Variants in ZNF423 observed in about 807,000 individuals in gnomAD.
ZNF423 encodes zinc finger protein 423, also known as Ebf-associated zinc finger protein.
In ZNF423, 12 loss-of-function variants were observed where a neutral mutation model predicts 95.8. That is an observed-to-expected ratio of 0.13 (90% CI 0.08 to 0.20). The LOEUF is 0.20. Ranked by LOEUF, ZNF423 falls within the 10% of genes least tolerant of loss-of-function variation. The pLI is 1.00. For synonymous variants in ZNF423, 749 were observed against 711.9 expected, an observed-to-expected ratio of 1.05 and a Z score of -0.83; for missense variants, 1,316 against 1,737.1, an observed-to-expected ratio of 0.76 and a Z score of 4.31.
intron 3 of ZNF423, among the ~76,000 whole-genome samples, chr16:49,706,628 C>A (rs1381348605): frequency 6.6e-6 from 1 of 152,236 alleles, no homozygotes; most frequent in Non-Finnish European, 1.5e-5. Flanking sequence ...AAACAAATGA[C>A]CCTGCCACAT....
rs148156936 is a variant in ZNF423, at chr16:49,697,017, T to C, written c.301+33754A>G. Among the ~76,000 whole-genome samples, 126 of 152,226 alleles carry C rather than the reference T, an allele frequency of 8.3e-4. 2 individuals carry two copies. Among genetic ancestry groups the C allele is most frequent in the African/African-American group, 2.9e-3 (122 of 41,546 alleles). On this transcript the variant is annotated intron_variant, in intron 3 of 7. Transcript: ENST00000563137. Reference sequence around the variant, plus strand: ...AAGCTCACAGGGAATCGCCGGAGGGTTGACGCAGGAATGCAGTCCATCGTG... The same window carrying C: ...AAGCTCACAGGGAATCGCCGGAGGGCTGACGCAGGAATGCAGTCCATCGTG...
chr16:49,698,251 T>TTG (rs1298102975), intron 3 of ZNF423, among the ~76,000 whole-genome samples: 1 of 152,074 alleles, frequency 6.6e-6, no homozygotes, highest in African/African-American at 2.4e-5. Context: ...TGCATCTCCT[T>TTG]TGCTCCCGCC....
intron 3 of ZNF423, among the ~76,000 whole-genome samples, chr16:49,649,879 C>T (rs1045311134): frequency 1.3e-5 from 2 of 152,230 alleles, no homozygotes; most frequent in African/African-American, 4.8e-5. Context: ...TGACATGGCT[C>T]TTCCTGAAAT....
chr16:49,626,311 A>C, intron 4 of ZNF423, 57 bp from the exon 5 acceptor site: 2 of 1,560,590 alleles, frequency 1.3e-6, no homozygotes, highest in Non-Finnish European at 1.8e-6. Context: ...AAAAAGGAGA[A>C]AGCAAAAGTT....
chr16:49,721,249 T>C (rs1005352657), intron 3 of ZNF423, among the ~76,000 whole-genome samples: 1 of 152,310 alleles, frequency 6.6e-6, no homozygotes, highest in Admixed American at 6.5e-5. Context: ...GGACCAACTA[T>C]GTGCTGGCAG....
chr16:49,797,148 C>T (rs1377348326), intron 1 of ZNF423, among the ~76,000 whole-genome samples: 2 of 152,094 alleles, frequency 1.3e-5, no homozygotes, highest in East Asian at 1.9e-4. Context: ...AAGGGGACAG[C>T]GAGAGACCCA....
chr16:49,611,982 G>T (rs1157393967), intron 5 of ZNF423, among the ~76,000 whole-genome samples: 1 of 152,010 alleles, frequency 6.6e-6, no homozygotes, highest in Admixed American at 6.6e-5. Flanking sequence ...TTAAGGAAAT[G>T]GAATTCATAA....
intron 4 of ZNF423, among the ~76,000 whole-genome samples, chr16:49,634,456 C>A (rs1567516691): frequency 6.6e-6 from 1 of 152,094 alleles, no homozygotes; most frequent in Non-Finnish European, 1.5e-5. Flanking sequence ...AAGTCAAGGT[C>A]AGCAGGCACT....
At chr16:49,819,432 A>C (rs1400134185) in intron 1 of ZNF423, among the ~76,000 whole-genome samples, 1 of 151,950 alleles carries the variant, frequency 6.6e-6, no homozygotes, top group Non-Finnish European at 1.5e-5. Flanking sequence ...TACTGTTAGT[A>C]ATCATAGGCT....
chr16:49,756,538 C>T (rs2033730450), intron 2 of ZNF423, among the ~76,000 whole-genome samples: 1 of 152,216 alleles, frequency 6.6e-6, no homozygotes, highest in South Asian at 2.1e-4. Flanking sequence ...CCCGGACTGC[C>T]ACAGATGACT....
intron 3 of ZNF423, among the ~76,000 whole-genome samples, chr16:49,666,210 G>C (rs1017943587): frequency 1.3e-5 from 2 of 152,180 alleles, no homozygotes; most frequent in Non-Finnish European, 2.9e-5. Context: ...ATCTAAACAT[G>C]TGTGTAACTC....
chr16:49,503,298 G>A (rs1967503438), intron 7 of ZNF423, among the ~76,000 whole-genome samples: 1 of 152,138 alleles, frequency 6.6e-6, no homozygotes, highest in Non-Finnish European at 1.5e-5. Flanking sequence ...GCACAGTCCG[G>A]GTTGTCTCCT....
chr16:49,582,454 A>G (rs1970703407), intron 5 of ZNF423, among the ~76,000 whole-genome samples: 1 of 152,272 alleles, frequency 6.6e-6, no homozygotes, highest in African/African-American at 2.4e-5. Flanking sequence ...CGGTGCAGCC[A>G]TAAAATAAAA....
intron 2 of ZNF423, among the ~76,000 whole-genome samples, chr16:49,766,128 G>A (rs1412881123): frequency 7.2e-5 from 11 of 152,126 alleles, no homozygotes; most frequent in Admixed American, 6.5e-4. Context: ...TTTAATGGAG[G>A]AAAACAGTAG....
intron 1 of ZNF423, among the ~76,000 whole-genome samples, chr16:49,798,421 T>C (rs2034531771): frequency 6.6e-6 from 1 of 151,966 alleles, no homozygotes; most frequent in Non-Finnish European, 1.5e-5. Flanking sequence ...GGCACAAGAA[T>C]TGCCTGAACC....
intron 5 of ZNF423, among the ~76,000 whole-genome samples, chr16:49,601,345 G>A (rs1971366972): frequency 6.6e-6 from 1 of 152,204 alleles, no homozygotes; most frequent in South Asian, 2.1e-4. Flanking sequence ...GAGAGAATAG[G>A]GGTATCCCTT....
At chr16:49,543,414 C>T (rs1198275534) in intron 5 of ZNF423, among the ~76,000 whole-genome samples, 1 of 152,160 alleles carries the variant, frequency 6.6e-6, no homozygotes, top group Non-Finnish European at 1.5e-5. Flanking sequence ...CAGCCCCCAC[C>T]CATCGACTGG....
chr16:49,692,337 C>T lies in ZNF423; in HGVS notation c.301+38434G>A, dbSNP rs576026061. Among the ~76,000 whole-genome samples, 12 of 152,260 alleles carry T rather than the reference C, an allele frequency of 7.9e-5. No homozygotes were observed. The East Asian group carries it at 2.3e-3, about 29-fold the overall frequency. ...AGGGGGAAAACGATGAGGCTTTCTC[C>T]TTCCCCACTCCTCTCTGGCAGACCC... On this transcript the variant is annotated intron_variant, in intron 3 of 7. Coordinates refer to ENST00000563137, the MANE Select transcript of ZNF423 (RefSeq NM_001379286.1).
intron 1 of ZNF423, among the ~76,000 whole-genome samples, chr16:49,833,089 C>T (rs925326844): frequency 1.3e-5 from 2 of 152,254 alleles, no homozygotes; most frequent in Admixed American, 1.3e-4. Context: ...CTCCTCCTCG[C>T]CCAGCCTTAC....
Sources: gnomAD v4.1 joint callset for allele counts (sites outside exome capture counted in the v4.1 genomes callset) on GRCh38, gnomAD v4.1.1 for gene constraint, MANE v1.5 for transcripts, NCBI Gene and HGNC (gene_info 2026-07-23, HGNC 2026-07-21) for gene names.